The following ZFYVE16 variants were observed in gnomAD, a reference collection of about 807,000 sequenced individuals.
ZFYVE16 encodes zinc finger FYVE domain-containing protein 16.
A neutral mutation model predicts 138.1 loss-of-function variants in ZFYVE16; 89 were observed. The ratio of observed to expected loss-of-function variants is 0.64; its 90% CI spans 0.54 to 0.77. The LOEUF is 0.77. Among genes scored for constraint, ZFYVE16 ranks in the 30% least tolerant of loss-of-function variants. The probability of loss-of-function intolerance (pLI) is 0.00; values close to 1 mark genes in which losing one functional copy is unlikely to be tolerated. For synonymous variants in ZFYVE16, 596 were observed against 618.3 expected (o/e 0.96, Z 0.53); for missense variants, 1,793 against 1,786.7 (o/e 1.00, Z -0.06).
intron 15 of ZFYVE16, among the ~76,000 whole-genome samples, chr5:80,464,358 G>C (rs1489260543): frequency 2.0e-5 from 3 of 152,064 alleles, no homozygotes; most frequent in African/African-American, 7.2e-5. Context: ...TGAGCTAAGG[G>C]GGAAGAGCCC....
intron 1 of ZFYVE16, chr5:80,411,680 T>C (rs919631840): frequency 2.0e-5 from 3 of 152,220 alleles, no homozygotes; most frequent in African/African-American, 7.2e-5. Context: ...GTGTTGCCAG[T>C]TCCCAAATCT....
At chr5:80,431,092 G>T (rs1251323758) in intron 2 of ZFYVE16, among the ~76,000 whole-genome samples, 1 of 152,126 alleles carries the variant, frequency 6.6e-6, no homozygotes. Flanking sequence ...ATTTTATGAG[G>T]CCAGCATCAT....
rs1309504893 is a variant in ZFYVE16 at position 80,480,338 on chromosome 5, T to C, written c.*2961T>C. On this transcript the variant is annotated 3_prime_UTR_variant, in exon 19 of 19. Coordinates refer to ENST00000505560, the MANE Select transcript of ZFYVE16 (RefSeq NM_001284236.3). ...AAACTGCACTTTAAAACTCAGTAAA[T>C]AGATGTAATAGAATGTAGCCAATTG... Among the ~76,000 whole-genome samples the C allele has an allele frequency of 6.6e-6, 1 of 151,726 alleles. No individual in the cohort carries two copies. The highest frequency in any genetic ancestry group is 1.5e-5 in the Non-Finnish European group (1 of 67,942).
chr5:80,415,139 G>C (rs193257364), intron 1 of ZFYVE16, among the ~76,000 whole-genome samples: 3 of 151,916 alleles, frequency 2.0e-5, no homozygotes, highest in Admixed American at 6.6e-5. Context: ...TTTCTGTTCT[G>C]TTTTCTAGGA....
At position 80,459,485 on chromosome 5, in the gene ZFYVE16, A is replaced by G. The variant is rs370397768; in HGVS notation, c.4015A>G (p.Ile1339Val). 6.0e-5 allele frequency: 96 copies of G among 1,610,242 alleles called. No homozygotes were observed. Among genetic ancestry groups the G allele is most frequent in the Non-Finnish European group, 7.0e-5 (82 of 1,178,260 alleles). The change falls in exon 15 of 19, where the codon ATA becomes GTA. Residue 1339 changes from isoleucine to valine, a missense_variant. By Grantham distance (29) the Ile-to-Val change is conservative. Coordinates refer to ENST00000505560, the MANE Select transcript of ZFYVE16 (RefSeq NM_001284236.3). Reference sequence around the variant, plus strand: ...TTCAGGATTTCTTGCTAAGTCCAGCATAGTTGAAGGTATGAATTTCATTTT... The same window carrying G: ...TTCAGGATTTCTTGCTAAGTCCAGCGTAGTTGAAGGTATGAATTTCATTTT... ...TSSGFLAKSS[I>V]VEDGLMVQIT...
At chr5:80,428,992 A>T (rs1255774026) in intron 2 of ZFYVE16, among the ~76,000 whole-genome samples, 1 of 152,232 alleles carries the variant, frequency 6.6e-6, no homozygotes, top group Non-Finnish European at 1.5e-5. Context: ...GGTGTACCTG[A>T]AAGTGACTGG....
At chr5:80,449,813 G>A in intron 9 of ZFYVE16, 100 bp downstream of exon 9, 1 of 1,328,934 alleles carries the variant, frequency 7.5e-7, no homozygotes, top group Non-Finnish European at 1.0e-6. Flanking sequence ...TGAAAAATAA[G>A]CAGGATTGGA....
At chr5:80,440,187 TC>T (rs1318733534) in intron 5 of ZFYVE16, 155 bp downstream of exon 5, 1 of 1,250,508 alleles carries the variant, frequency 8.0e-7, no homozygotes, top group African/African-American at 1.5e-5. Flanking sequence ...TGGTTTCTCT[TC>T]TTTTTGTTCC....
chr5:80,437,476 A>T lies in ZFYVE16; in HGVS notation c.791A>T (p.His264Leu), dbSNP rs777826132. The T allele has an allele frequency of 6.2e-7, 1 of 1,608,934 alleles. No homozygotes were observed. The highest frequency in any genetic ancestry group is 8.5e-7 in the Non-Finnish European group (1 of 1,178,030). ...TTTCATGCCAAAGACAAGCTACAAC[A>T]CAAGAGCCAGCCATGTGGATTACTA... ...KMFHAKDKLQ[H>L]KSQPCGLLKD... The change falls in exon 4 of 19, where the codon CAC becomes CTC. Residue 264 changes from histidine to leucine, a missense_variant. Physicochemically the swap from His to Leu is moderately conservative, Grantham distance 99. Coordinates refer to ENST00000505560, the MANE Select transcript of ZFYVE16 (RefSeq NM_001284236.3).
chr5:80,456,372 C>T (rs1752530966), intron 12 of ZFYVE16, 89 bp from the exon 13 acceptor site: 2 of 987,320 alleles, frequency 2.0e-6, no homozygotes, highest in Non-Finnish European at 3.1e-6. Context: ...TTTATTACTG[C>T]TGTGGAGAAG....
Position 80,455,772 on chromosome 5 carries a change from G to A in ZFYVE16, c.3688G>A (p.Val1230Ile). 2 of 1,570,446 alleles carry A rather than the reference G, an allele frequency of 1.3e-6. No homozygotes were observed. The highest frequency in any genetic ancestry group is 1.7e-6 in the Non-Finnish European group (2 of 1,167,132). Residue 1230 changes from valine (V) to isoleucine (I), a missense_variant and splice_region_variant, in exon 12 of 19, where the codon GTT becomes ATT. Val to Ile is a conservative substitution (Grantham distance 29). Around this residue, in one of 2 missense-constraint regions of ZFYVE16, gnomAD observed 498 missense variants for 582.4 expected, o/e 0.86. Coordinates refer to ENST00000505560, the MANE Select transcript of ZFYVE16 (RefSeq NM_001284236.3). ...EIGHTIMNLL[V>I]DLRNYQYTLH... Reference sequence around the variant, plus strand: ...AGGACACACTATTATGAACTTACTTGTTGTGAGTAATTGAACTATTTTATT... The same window carrying A: ...AGGACACACTATTATGAACTTACTTATTGTGAGTAATTGAACTATTTTATT...
chr5:80,423,729 G>A (rs1367297210), intron 1 of ZFYVE16, among the ~76,000 whole-genome samples: 1 of 151,794 alleles, frequency 6.6e-6, no homozygotes, highest in Admixed American at 6.6e-5. Flanking sequence ...TAGTAGAGAC[G>A]GGGTTTCACC....
In ZFYVE16 at chr5:80,481,463, C is replaced by CCT. The variant is rs1370872076; in HGVS notation, c.*4087_*4088insTC. Among the ~76,000 whole-genome samples, 11 of 152,050 alleles carry CCT rather than the reference C, an allele frequency of 7.2e-5. No individual in the cohort carries two copies. Among genetic ancestry groups the CCT allele is most frequent in the Non-Finnish European group, 1.6e-4 (11 of 68,000 alleles). ...ACTGAATTACAGTGTAGGCCACTGTCCAAGTTTCAGATTGGCCACTAGATG... is the reference window on the plus strand; with the variant it reads ...ACTGAATTACAGTGTAGGCCACTGTCCTCAAGTTTCAGATTGGCCACTAGATG... On this transcript the variant is annotated 3_prime_UTR_variant, in exon 19 of 19. Coordinates refer to ENST00000505560, the MANE Select transcript of ZFYVE16 (RefSeq NM_001284236.3).
chr5:80,450,939 G>T (rs1241931666), intron 10 of ZFYVE16, among the ~76,000 whole-genome samples: 1 of 151,408 alleles, frequency 6.6e-6, no homozygotes, highest in Non-Finnish European at 1.5e-5. Context: ...TGCCTCTCAG[G>T]TAGTTGGGAT....
At position 80,481,977 on chromosome 5, in the gene ZFYVE16, G is replaced by A. The variant is rs552504495; in HGVS notation, c.*4600G>A. ...TGTGACTACAGGTGTGTACCACCACGCCTAGATAATTTTTTGTATTTTTAA... is the reference window on the plus strand; with the variant it reads ...TGTGACTACAGGTGTGTACCACCACACCTAGATAATTTTTTGTATTTTTAA... On this transcript the variant is annotated 3_prime_UTR_variant, in exon 19 of 19. Coordinates refer to ENST00000505560, the MANE Select transcript of ZFYVE16 (RefSeq NM_001284236.3). Among the ~76,000 whole-genome samples, 31 of 152,194 alleles carry A rather than the reference G, an allele frequency of 2.0e-4. No individual in the cohort carries two copies. Among genetic ancestry groups the A allele is most frequent in the African/African-American group, 6.3e-4 (26 of 41,516 alleles).
intron 11 of ZFYVE16, chr5:80,455,296 G>A (rs1407530094): frequency 9.7e-6 from 2 of 206,620 alleles, no homozygotes; most frequent in Admixed American, 1.1e-4. Context: ...CACTTTGGGA[G>A]GCCGAGGTGG....
rs897040765 is a variant in ZFYVE16 at position 80,482,521 on chromosome 5, T to G, written c.*5144T>G. On this transcript the variant is annotated 3_prime_UTR_variant, in exon 19 of 19. Coordinates refer to ENST00000505560, the MANE Select transcript of ZFYVE16 (RefSeq NM_001284236.3). Reference sequence around the variant, plus strand: ...AATAATAGCTAAAAACTTCCAAACATCTGGCAAAAAACAAATATTCACATA... The same window carrying G: ...AATAATAGCTAAAAACTTCCAAACAGCTGGCAAAAAACAAATATTCACATA... 4.6e-5 allele frequency: 7 copies of G among 152,216 alleles called. No homozygotes were observed. The highest frequency in any genetic ancestry group is 8.8e-5 in the Non-Finnish European group (6 of 68,042). The allele number at this position is 152,216 out of a possible 1,614,324, so 9.4% of individuals were successfully genotyped here.
At chr5:80,456,875 G>A in intron 13 of ZFYVE16, 70 bp from the exon 14 acceptor site, 1 of 1,475,898 alleles carries the variant, frequency 6.8e-7, no homozygotes, top group African/African-American at 1.4e-5. Context: ...CCAGAAACGT[G>A]GCTCTTAGAA....
rs1750053230 is a variant in ZFYVE16 at position 80,437,222 on chromosome 5, C to T, written c.537C>T (p.Asp179=). Reference sequence around the variant, plus strand: ...ATACTCCCTGTGTTTCTTCAACAGACCATGATAGTGATACTGTCAGAGAAC... The same window carrying T: ...ATACTCCCTGTGTTTCTTCAACAGATCATGATAGTGATACTGTCAGAGAAC... ...VSDTPCVSST[D]HDSDTVREQQ... is the part of the protein sequence containing the mutation. The change falls in exon 4 of 19, where the codon GAC becomes GAT. Residue 179 remains aspartate, a synonymous_variant. Transcript: ENST00000505560. 1.2e-6 allele frequency: 2 copies of T among 1,613,888 alleles called. No individual in the cohort carries two copies. Among genetic ancestry groups the T allele is most frequent in the South Asian group, 1.1e-5 (1 of 91,076 alleles).
Sources: gnomAD v4.1 joint callset for allele counts (sites outside exome capture counted in the v4.1 genomes callset) on GRCh38, gnomAD v4.1.1 for gene constraint, gnomAD v4.1.1 regional missense constraint, MANE v1.5 for transcripts, NCBI Gene and HGNC (gene_info 2026-07-23, HGNC 2026-07-21) for gene names.